The following CSMD1 variants were observed in gnomAD, a reference collection of about 807,000 sequenced individuals.
CSMD1 encodes CUB and sushi domain-containing protein 1.
CSMD1 carries 213 observed loss-of-function variants against 417.5 expected under a neutral mutation model. The ratio of observed to expected loss-of-function variants is 0.51; its 90% CI spans 0.46 to 0.57. The LOEUF (loss-of-function observed/expected upper bound fraction) is 0.57. CSMD1 is among the 20% of genes least tolerant of loss of function. CSMD1 has a pLI of 0.00. For missense variants in CSMD1, 6,923 were observed against 4,529.7 expected, an observed-to-expected ratio of 1.53 and a Z score of -15.17; for synonymous variants, 2,862 against 1,736.8, an observed-to-expected ratio of 1.65 and a Z score of -16.11.
intron 3 of CSMD1, among the ~76,000 whole-genome samples, chr8:4,377,445 A>AT (rs971797814): frequency 6.6e-5 from 10 of 152,090 alleles, no homozygotes; most frequent in Admixed American, 1.3e-4. Context: ...GGTTAAATTG[A>AT]TTTTTTCCCC....
At chr8:3,978,420 C>G (rs1008192324) in intron 5 of CSMD1, among the ~76,000 whole-genome samples, 3 of 151,748 alleles carry the variant, frequency 2.0e-5, no homozygotes, top group African/African-American at 7.3e-5. Context: ...TATTTTTTTT[C>G]TATTCATACT....
intron 41 of CSMD1, among the ~76,000 whole-genome samples, chr8:3,133,912 C>T (rs900463201): frequency 6.6e-6 from 1 of 152,208 alleles, no homozygotes; most frequent in Non-Finnish European, 1.5e-5. Flanking sequence ...CGGTGGCTCA[C>T]GCCTGTAATC....
intron 52 of CSMD1, among the ~76,000 whole-genome samples, chr8:3,016,224 T>G (rs1356332774): frequency 6.6e-6 from 1 of 152,222 alleles, no homozygotes; most frequent in African/African-American, 2.4e-5. Flanking sequence ...ATATTTGGAT[T>G]ATGGAGGTAT....
At chr8:3,476,387 G>A (rs1817424556) in intron 11 of CSMD1, among the ~76,000 whole-genome samples, 1 of 151,996 alleles carries the variant, frequency 6.6e-6, no homozygotes, top group South Asian at 2.1e-4. Context: ...TTTCTATTTT[G>A]GCAATTATGA....
chr8:4,845,787 G>A (rs1801106897), intron 1 of CSMD1, among the ~76,000 whole-genome samples: 1 of 152,160 alleles, frequency 6.6e-6, no homozygotes, highest in African/African-American at 2.4e-5. Context: ...AGTATCACAA[G>A]GGCGGATTTT....
At chr8:3,969,965 C>G (rs1563267056) in intron 5 of CSMD1, among the ~76,000 whole-genome samples, 1 of 152,038 alleles carries the variant, frequency 6.6e-6, no homozygotes, top group Non-Finnish European at 1.5e-5. Flanking sequence ...TTTTCTGTCA[C>G]TCAGGGAAGA....
chr8:4,591,879 G>A (rs1421059365), intron 2 of CSMD1, among the ~76,000 whole-genome samples: 1 of 152,148 alleles, frequency 6.6e-6, no homozygotes, highest in Non-Finnish European at 1.5e-5. Flanking sequence ...CAAGGGACCG[G>A]TGGGGAGGCT....
chr8:3,536,978 CAATAG>C lies in CSMD1; in HGVS notation c.1344+37962_1344+37966del, dbSNP rs548948730. On this transcript the variant is annotated intron_variant, in intron 10 of 69. Coordinates refer to ENST00000635120, the MANE Select transcript of CSMD1 (RefSeq NM_033225.6). ...AGCTTTCACATGCAACATTGTGCAACAATAGGTCAAACTCTTTTTTTCTTTTCTTT... is the reference window on the plus strand; with the variant it reads ...AGCTTTCACATGCAACATTGTGCAACGTCAAACTCTTTTTTTCTTTTCTTT... Among the ~76,000 whole-genome samples the C allele has an allele frequency of 2.2e-4, 34 of 152,194 alleles. 1 individual carries two copies. The South Asian group carries it at 5.8e-3, about 26-fold the overall frequency.
intron 3 of CSMD1, among the ~76,000 whole-genome samples, chr8:4,216,959 C>T (rs918372138): frequency 2.0e-5 from 3 of 152,094 alleles, no homozygotes; most frequent in African/African-American, 7.2e-5. Flanking sequence ...TTCAAAATGG[C>T]TGTCCTAGGA....
At chr8:3,393,693 C>T (rs1055194888) in intron 17 of CSMD1, among the ~76,000 whole-genome samples, 7 of 151,734 alleles carry the variant, frequency 4.6e-5, no homozygotes, top group Non-Finnish European at 7.4e-5. Context: ...TTTGTAGGGA[C>T]ATGGATGAAG....
rs151289154 is a variant in CSMD1 at position 4,749,105 on chromosome 8, G to A, written c.86-111547C>T. 6.8e-4 allele frequency among the ~76,000 whole-genome samples: 103 copies of A among 152,292 alleles called. 1 individual carries two copies. The East Asian group carries it at 0.011, about 16-fold the overall frequency. On this transcript the variant is annotated intron_variant, in intron 1 of 69. Transcript: ENST00000635120. ...TCGCCTGCCCATGCAGTCTCCACTCGCTTTGCTAATTTCACTGCCACATCT... is the reference window on the plus strand; with the variant it reads ...TCGCCTGCCCATGCAGTCTCCACTCACTTTGCTAATTTCACTGCCACATCT...
chr8:4,335,081 G>C (rs138431714), intron 3 of CSMD1, among the ~76,000 whole-genome samples: 50 of 152,184 alleles, frequency 3.3e-4, no homozygotes, highest in African/African-American at 1.2e-3. Context: ...TTTGTACTTT[G>C]TGTAGAGACA....
chr8:4,325,500 G>T (rs1405046489), intron 3 of CSMD1, among the ~76,000 whole-genome samples: 1 of 152,142 alleles, frequency 6.6e-6, no homozygotes, highest in Admixed American at 6.6e-5. Context: ...AAGTTTGTCT[G>T]CTCATTTTTG....
At chr8:4,825,621 G>A (rs1799781781) in intron 1 of CSMD1, among the ~76,000 whole-genome samples, 1 of 151,760 alleles carries the variant, frequency 6.6e-6, no homozygotes, top group African/African-American at 2.4e-5. Context: ...AAAGAGACAT[G>A]TGAGACTCCC....
intron 39 of CSMD1, among the ~76,000 whole-genome samples, chr8:3,152,010 A>C (rs141324455): frequency 4.7e-4 from 71 of 152,348 alleles, no homozygotes; most frequent in African/African-American, 1.5e-3. Context: ...AAATTTGCCT[A>C]AAGTGACATG....
chr8:4,602,818 G>C (rs1218201457), intron 2 of CSMD1, among the ~76,000 whole-genome samples: 1 of 151,852 alleles, frequency 6.6e-6, no homozygotes, highest in Non-Finnish European at 1.5e-5. Context: ...AGAAAGGTAA[G>C]CTGACTTTAT....
At chr8:4,087,466 C>G (rs906184149) in intron 3 of CSMD1, among the ~76,000 whole-genome samples, 1 of 152,162 alleles carries the variant, frequency 6.6e-6, no homozygotes, top group African/African-American at 2.4e-5. Flanking sequence ...AACTTCTGTC[C>G]CTTTTCTTTC....
intron 7 of CSMD1, among the ~76,000 whole-genome samples, chr8:3,651,345 C>G (rs73181162): frequency 0.033 from 5,017 of 152,236 alleles, 116 homozygotes; most frequent in Non-Finnish European, 0.053. Flanking sequence ...TCCCCACCCC[C>G]ACACACTTCA....
At position 2,963,477 on chromosome 8, in the gene CSMD1, T is replaced by C. The variant is rs78079083; in HGVS notation, c.9281-82A>G. 2,874 of 1,399,712 alleles carry C rather than the reference T, an allele frequency of 2.1e-3. 45 individuals are homozygous for C. In the African/African-American group the frequency reaches 0.036, roughly 17 times the overall value. 86.7% of individuals were successfully genotyped at this position (1,399,712 alleles called of 1,614,324 possible). ...GTTCAAACGATTCCCATTTTAATTT[T>C]ACCTGAATTACAAATGACATCTACA... On this transcript the variant is annotated intron_variant, in intron 59 of 69. Transcript: ENST00000635120.
Sources: gnomAD v4.1 joint callset for allele counts (sites outside exome capture counted in the v4.1 genomes callset) on GRCh38, gnomAD v4.1.1 for gene constraint, MANE v1.5 for transcripts, NCBI Gene and HGNC (gene_info 2026-07-23, HGNC 2026-07-21) for gene names.